Variants in CTNNA2 observed in about 807,000 individuals in gnomAD.
The protein encoded by CTNNA2 is catenin alpha-2.
CTNNA2 carries 42 observed loss-of-function variants against 101.0 expected under a neutral mutation model. The observed-to-expected ratio is 0.42, with a 90% confidence interval of 0.32 to 0.54. CTNNA2 has a LOEUF of 0.54. CTNNA2 is among the 20% of genes least tolerant of loss of function. The pLI, the probability that CTNNA2 is intolerant of heterozygous loss-of-function variation, is 0.14. For missense variants in CTNNA2, 871 were observed against 1,223.1 expected (o/e 0.71, Z 4.29); for synonymous variants, 450 against 456.4 (o/e 0.99, Z 0.18).
At chr2:80,593,043 T>A (rs908641364) in intron 15 of CTNNA2, among the ~76,000 whole-genome samples, 1 of 152,158 alleles carries the variant, frequency 6.6e-6, no homozygotes, top group African/African-American at 2.4e-5. Flanking sequence ...GTTTCAAGAA[T>A]CTATATAAGT....
intron 9 of CTNNA2, among the ~76,000 whole-genome samples, chr2:80,492,856 G>A (rs373273992): frequency 1.3e-5 from 2 of 152,060 alleles, no homozygotes; most frequent in South Asian, 4.1e-4. Flanking sequence ...TTAATCTTCT[G>A]TTTGAGTTAT....
chr2:80,586,273 GT>G (rs1483109382), intron 14 of CTNNA2: 7 of 152,206 alleles, frequency 4.6e-5, no homozygotes, highest in Non-Finnish European at 8.8e-5. Flanking sequence ...GGAGATGCAA[GT>G]GCTATAGTTG....
chr2:79,269,044 G>A lies in CTNNA2; in HGVS notation c.-405-43665G>A, dbSNP rs183132438. 1.5e-3 allele frequency among the ~76,000 whole-genome samples: 230 copies of A among 152,124 alleles called. 1 individual carries two copies. The highest frequency in any genetic ancestry group is 2.6e-3 in the Non-Finnish European group (177 of 67,992). ...CAAGCCACCTCAGAGGGGCCAGATC[G>A]TTACCAAGGCTCTATCTATGCGGTA... On this transcript the variant is annotated intron_variant, in intron 2 of 21. Coordinates refer to the CTNNA2 transcript ENST00000466387.
intron 7 of CTNNA2, among the ~76,000 whole-genome samples, chr2:80,088,206 G>A (rs1327217723): frequency 6.6e-6 from 1 of 151,976 alleles, no homozygotes; most frequent in Non-Finnish European, 1.5e-5. Context: ...GAGTTGATAA[G>A]TATAACCAAT....
chr2:79,223,748 C>T lies in CTNNA2; in HGVS notation c.-406+25672C>T, dbSNP rs140469694. ...CATAAGCTGACAGTTGGTGGCACTGCTTCTCAACCAAAATCCCTAATGCAT... is the reference window on the plus strand; with the variant it reads ...CATAAGCTGACAGTTGGTGGCACTGTTTCTCAACCAAAATCCCTAATGCAT... On this transcript the variant is annotated intron_variant, in intron 2 of 21. Transcript: ENST00000466387. Among the ~76,000 whole-genome samples the T allele has an allele frequency of 6.1e-3, 931 of 152,298 alleles. 8 individuals are homozygous for T. Among genetic ancestry groups the T allele is most frequent in the African/African-American group, 0.019 (782 of 41,564 alleles).
chr2:80,231,476 A>T (rs549637466), intron 7 of CTNNA2, among the ~76,000 whole-genome samples: 1 of 152,352 alleles, frequency 6.6e-6, no homozygotes, highest in East Asian at 1.9e-4. Flanking sequence ...ATATAAAATT[A>T]TAAGTTTCTC....
At chr2:80,471,753 G>C (rs938783277) in intron 9 of CTNNA2, among the ~76,000 whole-genome samples, 1 of 152,182 alleles carries the variant, frequency 6.6e-6, no homozygotes, top group Non-Finnish European at 1.5e-5. Context: ...AAAAGGAAGG[G>C]TGAGTAACAG....
intron 3 of CTNNA2, among the ~76,000 whole-genome samples, chr2:79,833,924 A>G (rs1398341123): frequency 6.6e-6 from 1 of 152,156 alleles, no homozygotes. Flanking sequence ...TCATTTTCTA[A>G]ACTAGCTGCA....
At chr2:79,752,071 C>T (rs1042264869) in intron 3 of CTNNA2, among the ~76,000 whole-genome samples, 2 of 151,814 alleles carry the variant, frequency 1.3e-5, no homozygotes, top group Non-Finnish European at 1.5e-5. Context: ...GGAGAGTGTA[C>T]GGGTTTGATT....
intron 9 of CTNNA2, among the ~76,000 whole-genome samples, chr2:80,527,382 A>G (rs1345222637): frequency 6.6e-6 from 1 of 152,204 alleles, no homozygotes; most frequent in African/African-American, 2.4e-5. Context: ...GGCTAAAAAC[A>G]CAGATGACTG....
chr2:79,399,375 A>C lies in CTNNA2; in HGVS notation c.-135+25362A>C, dbSNP rs139286718. Among the ~76,000 whole-genome samples, 322 of 152,238 alleles carry C rather than the reference A, an allele frequency of 2.1e-3. 1 individual carries two copies. The highest frequency in any genetic ancestry group is 6.8e-3 in the Middle Eastern group (2 of 294). ...TAGACACTAAGCTCTCATTGCTATC[A>C]GACCTTAAGGCTGTAGACAGCAAAA... On this transcript the variant is annotated intron_variant, in intron 4 of 21. Transcript: ENST00000466387.
intron 2 of CTNNA2, among the ~76,000 whole-genome samples, chr2:79,265,282 G>C (rs1248087735): frequency 6.6e-6 from 1 of 152,168 alleles, no homozygotes; most frequent in Non-Finnish European, 1.5e-5. Context: ...CCGGTGATTA[G>C]TGAAACATCA....
chr2:80,278,680 G>C (rs951121943), intron 7 of CTNNA2, among the ~76,000 whole-genome samples: 1 of 152,116 alleles, frequency 6.6e-6, no homozygotes, highest in Non-Finnish European at 1.5e-5. Flanking sequence ...TTAAAGGAGA[G>C]AGAAAGAATG....
intron 6 of CTNNA2, among the ~76,000 whole-genome samples, chr2:79,888,930 G>A (rs554574096): frequency 6.6e-6 from 1 of 152,174 alleles, no homozygotes; most frequent in Non-Finnish European, 1.5e-5. Flanking sequence ...CCCAAATAAG[G>A]CCACTTATCT....
At chr2:79,260,289 A>C (rs1425388062) in intron 2 of CTNNA2, among the ~76,000 whole-genome samples, 2 of 152,160 alleles carry the variant, frequency 1.3e-5, no homozygotes, top group Non-Finnish European at 2.9e-5. Flanking sequence ...CCTTGCACAG[A>C]ATGAAGCAAA....
intron 7 of CTNNA2, among the ~76,000 whole-genome samples, chr2:80,074,253 C>T (rs1698538216): frequency 6.6e-6 from 1 of 152,074 alleles, no homozygotes. Flanking sequence ...GCAAAGCACA[C>T]TCCATCATAT....
intron 7 of CTNNA2, among the ~76,000 whole-genome samples, chr2:80,103,031 C>A (rs965870809): frequency 6.6e-6 from 1 of 152,116 alleles, no homozygotes; most frequent in African/African-American, 2.4e-5. Flanking sequence ...TTCAGTAGCT[C>A]CTGCTCATAT....
chr2:80,254,145 A>G (rs1316062590), intron 7 of CTNNA2, among the ~76,000 whole-genome samples: 4 of 152,140 alleles, frequency 2.6e-5, no homozygotes, highest in Admixed American at 2.6e-4. Context: ...CTTCAACTCT[A>G]TCTATATCTC....
intron 1 of CTNNA2, among the ~76,000 whole-genome samples, chr2:79,644,714 C>T (rs926595172): frequency 4.6e-5 from 7 of 152,194 alleles, no homozygotes; most frequent in South Asian, 2.1e-4. Context: ...ACATGAGCCC[C>T]ACGCATGCAT....
Sources: gnomAD v4.1 joint callset for allele counts (sites outside exome capture counted in the v4.1 genomes callset) on GRCh38, gnomAD v4.1.1 for gene constraint, MANE v1.5 for transcripts, NCBI Gene and HGNC (gene_info 2026-07-23, HGNC 2026-07-21) for gene names.